The following SLC25A31 variants were observed in gnomAD, a reference collection of about 807,000 sequenced individuals.
The protein encoded by SLC25A31 is solute carrier family 25 member 31, also known as ADP/ATP translocase 4.
A neutral mutation model predicts 36.2 loss-of-function variants in SLC25A31; 40 were observed. The observed-to-expected ratio is 1.10, with a 90% CI of 0.86 to 1.44. The LOEUF (loss-of-function observed/expected upper bound fraction) is 1.44. Ranked by LOEUF, SLC25A31 falls within the 40% of genes most tolerant of loss-of-function variation. SLC25A31 has a pLI of 0.00. For synonymous variants in SLC25A31, 143 were observed against 149.7 expected (o/e 0.96, Z 0.32); for missense variants, 350 against 397.1 (o/e 0.88, Z 1.01).
intron 1 of SLC25A31, among the ~76,000 whole-genome samples, chr4:127,740,910 C>T (rs1274894723): frequency 6.6e-6 from 1 of 152,186 alleles, no homozygotes; most frequent in Non-Finnish European, 1.5e-5. Context: ...CTCCAAATGC[C>T]TGGATATCTC....
At chr4:127,772,508 T>G (rs1251880096) in intron 5 of SLC25A31, among the ~76,000 whole-genome samples, 2 of 152,174 alleles carry the variant, frequency 1.3e-5, no homozygotes, top group Non-Finnish European at 2.9e-5. Flanking sequence ...CTGGACTTTT[T>G]TTGTGCTGTT....
At chr4:127,750,861 A>G (rs1731918191) in intron 2 of SLC25A31, among the ~76,000 whole-genome samples, 1 of 152,204 alleles carries the variant, frequency 6.6e-6, no homozygotes, top group African/African-American at 2.4e-5. Context: ...AACTACAAAA[A>G]AGTAAACAGT....
chr4:127,771,644 A>G (rs142145267), intron 5 of SLC25A31, among the ~76,000 whole-genome samples: 222 of 152,298 alleles, frequency 1.5e-3, no homozygotes, highest in African/African-American at 5.3e-3. Flanking sequence ...ATTCAGTGTT[A>G]TATTTACAAA....
At chr4:127,749,750 G>A (rs1241659077) in intron 2 of SLC25A31, among the ~76,000 whole-genome samples, 2 of 148,820 alleles carry the variant, frequency 1.3e-5, no homozygotes, top group East Asian at 4.0e-4. Context: ...ACTCACTCCT[G>A]TTATCCCAGA....
intron 1 of SLC25A31, among the ~76,000 whole-genome samples, chr4:127,734,929 A>C: frequency 6.6e-6 from 1 of 152,198 alleles, no homozygotes; most frequent in East Asian, 1.9e-4. Flanking sequence ...GAGTTACACA[A>C]GGTAGAGGGA....
chr4:127,767,260 G>A (rs1340158234), intron 4 of SLC25A31, 40 bp downstream of exon 4: 3 of 1,393,432 alleles, frequency 2.2e-6, no homozygotes, highest in Non-Finnish European at 1.9e-6. Context: ...TAAATATATG[G>A]TTTCCATTTA....
At chr4:127,760,728 C>T (rs2148762081) in intron 2 of SLC25A31, among the ~76,000 whole-genome samples, 2 of 152,286 alleles carry the variant, frequency 1.3e-5, no homozygotes, top group South Asian at 2.1e-4. Flanking sequence ...CCTGATTCTT[C>T]TCCGTGCCTC....
intron 2 of SLC25A31, among the ~76,000 whole-genome samples, chr4:127,745,022 A>G (rs1458265907): frequency 2.6e-5 from 4 of 152,156 alleles, no homozygotes; most frequent in African/African-American, 4.8e-5. Context: ...CTTTTGTCTC[A>G]AGGCAGTATT....
chr4:127,760,303 A>G (rs1037365299), intron 2 of SLC25A31, among the ~76,000 whole-genome samples: 3 of 152,232 alleles, frequency 2.0e-5, no homozygotes, highest in Non-Finnish European at 4.4e-5. Context: ...GCATGTGCCT[A>G]CTATATATGT....
At position 127,750,958 on chromosome 4, in the gene SLC25A31, G is replaced by A. The variant is rs540536811; in HGVS notation, c.360+6159G>A. Among the ~76,000 whole-genome samples, 5 of 152,128 alleles carry A rather than the reference G, an allele frequency of 3.3e-5. No homozygotes were observed. The East Asian group carries it at 9.7e-4, about 29-fold the overall frequency. ...TTAATTAAAAAACATAGTGGTAAAG[G>A]GATTAAAAAGACTCAACAGTCAGTT... On this transcript the variant is annotated intron_variant, in intron 2 of 5. Coordinates refer to ENST00000281154, the MANE Select transcript of SLC25A31 (RefSeq NM_031291.4).
In SLC25A31 at chr4:127,764,433, TGTGCTATAATA is replaced by T. The variant is rs541586042; in HGVS notation, c.478+77_478+87del. 3.9e-3 allele frequency: 5,009 copies of T among 1,269,270 alleles called. 15 individuals carry two copies. The highest frequency in any genetic ancestry group is 5.0e-3 in the Non-Finnish European group (4,415 of 875,766). The allele number at this position is 1,269,270 out of a possible 1,614,324, so 78.6% of individuals were successfully genotyped here. Reference sequence around the variant, plus strand: ...CCATCTGTTATTTATTGGCATTAATTGTGCTATAATAGTGTTACCAGATAAAGTCTACGAAC... The same window carrying T: ...CCATCTGTTATTTATTGGCATTAATTGTGTTACCAGATAAAGTCTACGAAC... On this transcript the variant is annotated intron_variant, in intron 3 of 5. Transcript: ENST00000281154.
At chr4:127,749,631 C>T (rs1731890483) in intron 2 of SLC25A31, among the ~76,000 whole-genome samples, 1 of 150,996 alleles carries the variant, frequency 6.6e-6, no homozygotes, top group African/African-American at 2.4e-5. Context: ...ATCGCTTGAA[C>T]CCAGGAGGTG....
chr4:127,732,610 A>G (rs531805892), intron 1 of SLC25A31, among the ~76,000 whole-genome samples: 2 of 152,318 alleles, frequency 1.3e-5, no homozygotes, highest in African/African-American at 4.8e-5. Flanking sequence ...TTCATATTTT[A>G]AATGTTTTTC....
At chr4:127,753,833 A>G (rs1368680502) in intron 2 of SLC25A31, among the ~76,000 whole-genome samples, 3 of 152,282 alleles carry the variant, frequency 2.0e-5, no homozygotes, top group African/African-American at 7.2e-5. Context: ...TTACTCTGAT[A>G]CCAAAGCACC....
chr4:127,735,884 A>T (rs1377691536), intron 1 of SLC25A31, among the ~76,000 whole-genome samples: 907 of 63,614 alleles, frequency 0.014, 29 homozygotes, highest in East Asian at 0.074. Flanking sequence ...TTATTTATTT[A>T]TTTATTTATT....
intron 3 of SLC25A31, 47 bp downstream of exon 3, chr4:127,764,407 A>G (rs769749715): frequency 6.8e-7 from 1 of 1,472,632 alleles, no homozygotes; most frequent in South Asian, 1.2e-5. Flanking sequence ...TGCATTTTGA[A>G]CCATCTGTTA....
chr4:127,744,643 T>C (rs745959007), intron 1 of SLC25A31, 29 bp from the exon 2 acceptor site: 1 of 1,567,910 alleles, frequency 6.4e-7, no homozygotes, highest in Non-Finnish European at 8.6e-7. Flanking sequence ...ACAATGTAGG[T>C]TTATGTATTT....
intron 2 of SLC25A31, among the ~76,000 whole-genome samples, chr4:127,760,877 A>G (rs1732114327): frequency 6.6e-6 from 1 of 152,136 alleles, no homozygotes; most frequent in African/African-American, 2.4e-5. Flanking sequence ...GTCTCTACTA[A>G]AAATACAAAA....
intron 1 of SLC25A31, among the ~76,000 whole-genome samples, chr4:127,739,197 G>A (rs942669369): frequency 7.9e-5 from 12 of 152,046 alleles, no homozygotes; most frequent in African/African-American, 2.7e-4. Context: ...AGGATCTCTT[G>A]GCTATGTTAA....
Sources: allele counts gnomAD v4.1 joint callset (sites outside exome capture counted in the v4.1 genomes callset), GRCh38; gene constraint gnomAD v4.1.1; transcripts MANE v1.5; gene names NCBI Gene and HGNC (gene_info 2026-07-23, HGNC 2026-07-21).